The following GRK1 variants were observed in gnomAD, a reference collection of about 807,000 sequenced individuals.
The protein encoded by GRK1 is G protein-coupled receptor kinase 1, also known as rhodopsin kinase GRK1.
A neutral mutation model predicts 41.7 loss-of-function variants in GRK1; 28 were observed. The observed-to-expected ratio is 0.67, with a 90% CI of 0.50 to 0.92. The LOEUF is 0.92. Among genes scored for constraint, GRK1 ranks in the 40% least tolerant of loss-of-function variants. The pLI, the probability that GRK1 is intolerant of heterozygous loss-of-function variation, is 0.00. For missense variants in GRK1, 703 were observed against 671.2 expected (o/e 1.05, Z -0.52); for synonymous variants, 327 against 286.7 (o/e 1.14, Z -1.42).
At chr13:113,654,694 G>A in the GRK1 span, 227 of 1,442,286 alleles carry the variant, frequency 1.6e-4, 1 homozygote, top group East Asian at 3.6e-3. Context: ...TGGGGCTGCC[G>A]GGCTGGCTTC....
intron 4 of GRK1, among the ~76,000 whole-genome samples, chr13:113,730,357 C>T (rs2049927877): frequency 1.3e-5 from 2 of 151,588 alleles, no homozygotes; most frequent in South Asian, 2.1e-4. Context: ...AGACCCGCCC[C>T]TCCATCCCGA....
the GRK1 span, chr13:113,650,330 C>A: frequency 7.3e-7 from 1 of 1,360,818 alleles, no homozygotes. This position sits in a 1 kb window ranked among gnomAD's most constrained non-coding sequence, Gnocchi z 5.0. Context: ...CATGAAGGGG[C>A]TTATTGCTTT....
rs572124537 is a variant in GRK1 at position 113,733,800 on chromosome 13, T to C, written c.1396+715T>C. Reference sequence around the variant, plus strand: ...ATACGTGTGTGCATGTGTGTATGTGTATCTGTGTGCATACGTGTGTGCGTG... The same window carrying C: ...ATACGTGTGTGCATGTGTGTATGTGCATCTGTGTGCATACGTGTGTGCGTG... On this transcript the variant is annotated intron_variant, in intron 6 of 6. Transcript: ENST00000335678. Among the ~76,000 whole-genome samples, 5 of 139,572 alleles carry C rather than the reference T, an allele frequency of 3.6e-5. No individual in the cohort carries two copies. The South Asian group carries it at 8.7e-4, about 24-fold the overall frequency. 91.6% of individuals were successfully genotyped at this position (139,572 alleles called of 152,430 possible). A position where few individuals can be genotyped will look rare whatever the true frequency, so the allele number is the denominator to read the frequency against.
rs748575609 is a variant in GRK1 at position 113,668,130 on chromosome 13, A to C, written c.699+45A>C. ...CAGCAGGGATGGGGTGGCAGGGTGC[A>C]GGGATGGGGCGGCAGGGTGCAGAGG... is the stretch of plus-strand genomic sequence containing the variant. On this transcript the variant is annotated intron_variant, in intron 1 of 6. Coordinates refer to ENST00000335678, the MANE Select transcript of GRK1 (RefSeq NM_002929.3). The C allele has an allele frequency of 3.2e-6, 5 of 1,557,150 alleles. No individual in the cohort carries two copies. In the African/African-American group the frequency reaches 6.8e-5, roughly 21 times the overall value.
At chr13:113,657,991 G>C in the GRK1 span, 4 of 1,499,424 alleles carry the variant, frequency 2.7e-6, no homozygotes, top group Non-Finnish European at 3.6e-6. Flanking sequence ...TCCTCAGAGC[G>C]GCCCCCTCCA....
At chr13:113,733,705 G>A (rs1162443763) in intron 6 of GRK1, among the ~76,000 whole-genome samples, 11 of 145,662 alleles carry the variant, frequency 7.6e-5, no homozygotes, top group Non-Finnish European at 1.5e-4. Flanking sequence ...ACATGTGTGC[G>A]TGTGTGCGCA....
chr13:113,664,313 G>A (rs1012847728), upstream of GRK1, among the ~76,000 whole-genome samples: 11 of 152,122 alleles, frequency 7.2e-5, no homozygotes, highest in African/African-American at 2.4e-4. The surrounding 1 kb of genome is among the most constrained non-coding windows in gnomAD (Gnocchi z 5.4). Context: ...CAATATCCTC[G>A]CTACTTGGCA....
rs202076986 is a variant in GRK1, at chr13:113,732,909, G to A, written c.1220G>A (p.Arg407Gln). ...GTGGAGAACAAGGAGCTGAAGCACC[G>A]GATCATCTCAGAGCCCGTGAAGTAC... ...EKVENKELKH[R>Q]IISEPVKYPD... The change falls in exon 6 of 7, where the codon CGG becomes CAG. Residue 407 changes from arginine to glutamine, a missense_variant. Arg to Gln is a conservative substitution (Grantham distance 43). Transcript: ENST00000335678. The A allele has an allele frequency of 1.6e-3, 2,518 of 1,536,730 alleles. 1 individual carries two copies. Among genetic ancestry groups the A allele is most frequent in the Non-Finnish European group, 1.7e-3 (1,956 of 1,146,888 alleles).
chr13:113,652,001 G>A, the GRK1 span, among the ~76,000 whole-genome samples: 9 of 152,202 alleles, frequency 5.9e-5, no homozygotes, highest in African/African-American at 2.2e-4. Context: ...GGCAGAGCTG[G>A]GGCGGGGTGG....
chr13:113,669,029 C>T (rs1469959976), intron 1 of GRK1, among the ~76,000 whole-genome samples: 1 of 152,220 alleles, frequency 6.6e-6, no homozygotes, highest in African/African-American at 2.4e-5. Flanking sequence ...GCTTTCTTGA[C>T]ATCTAATTCC....
rs373794044 is a variant in GRK1, at chr13:113,723,961, T to C, written c.1069+804T>C. The stretch of plus-strand genomic sequence containing the variant: ...ATCCGTGTGCCTGTGTCTGTGTGCA[T>C]GTGTTCCTGTGTATGCATGCCCGGG... On this transcript the variant is annotated intron_variant, in intron 4 of 6. Coordinates refer to ENST00000335678, the MANE Select transcript of GRK1 (RefSeq NM_002929.3). 3.4e-4 allele frequency among the ~76,000 whole-genome samples: 51 copies of C among 151,884 alleles called. No individual in the cohort carries two copies. In the East Asian group the frequency reaches 6.8e-3, roughly 20 times the overall value.
rs563361331 is a variant in GRK1 at position 113,671,207 on chromosome 13, G to A, written c.828-292G>A. Reference sequence around the variant, plus strand: ...CCTCGGCCTGGCCCCTTCCTGAGACGGTCTGGGCTGTTTCCTAGCACCTGC... The same window carrying A: ...CCTCGGCCTGGCCCCTTCCTGAGACAGTCTGGGCTGTTTCCTAGCACCTGC... On this transcript the variant is annotated intron_variant, in intron 2 of 6. Transcript: ENST00000335678. This position sits in a 1 kb window ranked among gnomAD's most constrained non-coding sequence, Gnocchi z 4.1. Among the ~76,000 whole-genome samples the A allele has an allele frequency of 1.7e-4, 26 of 152,316 alleles. No individual in the cohort carries two copies. In the East Asian group the frequency reaches 1.7e-3, roughly 10 times the overall value.
chr13:113,731,225 T>C lies in GRK1; in HGVS notation c.1076T>C (p.Met359Thr). 1 of 1,536,934 alleles carries C rather than the reference T, an allele frequency of 6.5e-7. No homozygotes were observed. ...CAATGTCCCTTGCTGGCAGGTTTCA[T>C]GGCCCCCGAGCTCCTGCAGGGCGAG... ...TKGYAGTPGF[M>T]APELLQGEEY... The change falls in exon 5 of 7, where the codon ATG becomes ACG. Residue 359 changes from methionine (M) to threonine (T), a missense_variant. Physicochemically the swap from Met to Thr is moderately conservative, Grantham distance 81. Coordinates refer to ENST00000335678, the MANE Select transcript of GRK1 (RefSeq NM_002929.3). This position sits in a 1 kb window ranked among gnomAD's most constrained non-coding sequence, Gnocchi z 5.6.
At chr13:113,670,782 C>T (rs1254926661) in intron 2 of GRK1, among the ~76,000 whole-genome samples, 1 of 140,114 alleles carries the variant, frequency 7.1e-6, no homozygotes, top group African/African-American at 2.7e-5. Context: ...GGAGGGGGCG[C>T]TGGGAAACGC....
chr13:113,659,422 C>T, the GRK1 span, among the ~76,000 whole-genome samples: 1 of 152,006 alleles, frequency 6.6e-6, no homozygotes, highest in Non-Finnish European at 1.5e-5. Flanking sequence ...CTCAGGGACC[C>T]GTGTAACCAA....
At position 113,736,617 on chromosome 13, in the gene GRK1, C is replaced by T. The variant is rs1594584932; in HGVS notation, c.*1254C>T. On this transcript the variant is annotated 3_prime_UTR_variant, in exon 7 of 7. Transcript: ENST00000335678. ...GCAGCCGGCTCAGAGGGAGTGCATC[C>T]AAGCCGCAGGGAAGCAGTGGTGATG... 1 of 152,260 alleles carries T rather than the reference C, an allele frequency of 6.6e-6. No homozygotes were observed. The highest frequency in any genetic ancestry group is 2.4e-5 in the African/African-American group (1 of 41,460). 9.4% of individuals were successfully genotyped at this position (152,260 alleles called of 1,614,324 possible). A position where few individuals can be genotyped will look rare whatever the true frequency, so the allele number is the denominator to read the frequency against.
rs907076935 is a variant in GRK1 at position 113,731,170 on chromosome 13, C to T, written c.1070-49C>T. On this transcript the variant is annotated intron_variant, in intron 4 of 6. Transcript: ENST00000335678. The surrounding 1 kb of genome is among the most constrained non-coding windows in gnomAD (Gnocchi z 5.6). ...GTCCTGCGATTCCTGGAGTGCGTGC[C>T]CACCATGGAGGTGACCACCTCTGAA... 2.0e-6 allele frequency: 3 copies of T among 1,523,052 alleles called. No individual in the cohort carries two copies. The highest frequency in any genetic ancestry group is 1.2e-5 in the South Asian group (1 of 83,176). The allele number at this position is 1,523,052 out of a possible 1,614,324, so 94.3% of individuals were successfully genotyped here.
the GRK1 span, chr13:113,649,323 G>T: frequency 6.5e-7 from 1 of 1,548,180 alleles, no homozygotes; most frequent in Non-Finnish European, 8.7e-7. The surrounding 1 kb of genome is among the most constrained non-coding windows in gnomAD (Gnocchi z 4.7). Context: ...AACCAGGAGG[G>T]TGTCCTTGAG....
In GRK1 at chr13:113,735,111, C is replaced by G; in HGVS notation, c.1440C>G (p.Tyr480Ter). 1.3e-6 allele frequency: 2 copies of G among 1,536,188 alleles called. No homozygotes were observed. Among genetic ancestry groups the G allele is most frequent in the Non-Finnish European group, 1.7e-6 (2 of 1,146,100 alleles). The change falls in exon 7 of 7, where the codon TAC (tyrosine) becomes TAG (stop). Residue 480 changes from tyrosine to a stop codon, truncating the protein, a stop_gained. Coordinates refer to ENST00000335678, the MANE Select transcript of GRK1 (RefSeq NM_002929.3). LOFTEE classifies it low-confidence loss of function (END_TRUNC). ...TCATCCCAGACTCCAAAACTGTCTA[C>G]GCAAAGGATATTCAGGACGTGGGTG... The part of the protein sequence containing the change: ...PPFIPDSKTV[Y>*]AKDIQDVGAF...
Sources: gnomAD v4.1 joint callset for allele counts (sites outside exome capture counted in the v4.1 genomes callset) on GRCh38, gnomAD v4.1.1 for gene constraint, Gnocchi (gnomAD v3.1) non-coding constraint, MANE v1.5 for transcripts, NCBI Gene and HGNC (gene_info 2026-07-23, HGNC 2026-07-21) for gene names.